The following GNG7 variants were observed in gnomAD, a reference collection of about 807,000 sequenced individuals.
The protein encoded by GNG7 is guanine nucleotide-binding protein G(I)/G(S)/G(O) subunit gamma-7.
GNG7 carries 1 observed loss-of-function variant against 4.0 expected under a neutral mutation model. That is an observed-to-expected ratio of 0.25 (90% CI 0.09 to 1.18). GNG7 has a LOEUF of 1.18. Ranked by LOEUF, GNG7 falls within the 50% of genes most tolerant of loss-of-function variation. GNG7 has a pLI of 0.50. For missense variants in GNG7, 86 were observed against 91.9 expected, an observed-to-expected ratio of 0.94 and a Z score of 0.26; for synonymous variants, 34 against 36.9, an observed-to-expected ratio of 0.92 and a Z score of 0.29.
At chr19:2,700,124 G>T (rs1474096698) in intron 1 of GNG7, among the ~76,000 whole-genome samples, 3 of 148,246 alleles carry the variant, frequency 2.0e-5, no homozygotes, top group East Asian at 3.9e-4. Context: ...TTTTGTTGTT[G>T]TTGCAGTCCT....
chr19:2,629,689 C>T (rs1982108644), intron 2 of GNG7, among the ~76,000 whole-genome samples: 1 of 152,192 alleles, frequency 6.6e-6, no homozygotes, highest in East Asian at 1.9e-4. Context: ...GAACCTGGCA[C>T]CCACATCAAC....
chr19:2,659,610 A>AAAAAAAGAG (rs5826778), intron 1 of GNG7, among the ~76,000 whole-genome samples: 7 of 121,470 alleles, frequency 5.8e-5, no homozygotes, highest in African/African-American at 2.3e-4. Context: ...AAAAAAAAAA[A>AAAAAAAGAG]AGAGAGGAGG....
At chr19:2,695,290 C>A (rs2317322) in intron 1 of GNG7, among the ~76,000 whole-genome samples, 5 of 152,006 alleles carry the variant, frequency 3.3e-5, no homozygotes, top group Non-Finnish European at 7.4e-5. Flanking sequence ...TCTCTACCCC[C>A]CTGGACGACT....
At chr19:2,644,115 C>T (rs1982593582) in intron 2 of GNG7, among the ~76,000 whole-genome samples, 2 of 151,710 alleles carry the variant, frequency 1.3e-5, no homozygotes, top group South Asian at 4.1e-4. Flanking sequence ...CCGTCTCCCG[C>T]GTTCAAGCAA....
chr19:2,518,085 G>A (rs1271715041), intron 4 of GNG7, among the ~76,000 whole-genome samples: 1 of 152,220 alleles, frequency 6.6e-6, no homozygotes, highest in Non-Finnish European at 1.5e-5. Flanking sequence ...TGTGGCTCCA[G>A]CACGTGGCAC....
chr19:2,531,814 A>G (rs531653245), intron 3 of GNG7, among the ~76,000 whole-genome samples: 4 of 151,798 alleles, frequency 2.6e-5, no homozygotes, highest in Admixed American at 2.6e-4. Context: ...GCATGCAAGT[A>G]AGACATACGA....
chr19:2,672,713 T>C (rs1326518767), intron 1 of GNG7, among the ~76,000 whole-genome samples: 2 of 152,084 alleles, frequency 1.3e-5, no homozygotes, highest in African/African-American at 4.8e-5. Flanking sequence ...CCCAAAGTGC[T>C]GGGATTACAG....
chr19:2,670,523 T>C (rs1317503768), intron 1 of GNG7, among the ~76,000 whole-genome samples: 3 of 152,226 alleles, frequency 2.0e-5, no homozygotes, highest in African/African-American at 7.2e-5. Context: ...CTGCGTCCCA[T>C]GTGGCTTGTT....
chr19:2,560,669 GA>G (rs1437694258), intron 2 of GNG7, among the ~76,000 whole-genome samples: 1 of 151,962 alleles, frequency 6.6e-6, no homozygotes, highest in Non-Finnish European at 1.5e-5. Context: ...TCATTATTTG[GA>G]AAAAAGCTGG....
chr19:2,594,521 C>T (rs1009910918), intron 2 of GNG7, among the ~76,000 whole-genome samples: 1 of 152,116 alleles, frequency 6.6e-6, no homozygotes, highest in African/African-American at 2.4e-5. Flanking sequence ...AGCACGCAGG[C>T]CAGGACGAGG....
chr19:2,537,934 G>A (rs1323034350), intron 3 of GNG7, among the ~76,000 whole-genome samples: 5 of 152,052 alleles, frequency 3.3e-5, no homozygotes, highest in East Asian at 1.9e-4. Context: ...AACATCAGCC[G>A]GATGTGGTGG....
intron 2 of GNG7, among the ~76,000 whole-genome samples, chr19:2,573,170 C>T (rs185068562): frequency 6.6e-6 from 1 of 151,632 alleles, no homozygotes; most frequent in Admixed American, 6.6e-5. Flanking sequence ...GGATTACAGG[C>T]GCCACCACAC....
At chr19:2,640,447 A>G (rs1398614026) in intron 2 of GNG7, among the ~76,000 whole-genome samples, 1 of 152,158 alleles carries the variant, frequency 6.6e-6, no homozygotes, top group African/African-American at 2.4e-5. Flanking sequence ...CGACAAGGAA[A>G]GATGCCCAGT....
chr19:2,686,347 G>C (rs1983870891), intron 1 of GNG7, among the ~76,000 whole-genome samples: 1 of 152,030 alleles, frequency 6.6e-6, no homozygotes, highest in African/African-American at 2.4e-5. Context: ...TAGTAGAGAC[G>C]GGGTTTCACC....
intron 3 of GNG7, among the ~76,000 whole-genome samples, chr19:2,537,134 A>G (rs1978767162): frequency 6.7e-6 from 1 of 149,222 alleles, no homozygotes; most frequent in South Asian, 2.1e-4. Context: ...TTTGTTTAGT[A>G]GAGACGGGGT....
At chr19:2,603,331 C>T (rs1017263742) in intron 2 of GNG7, among the ~76,000 whole-genome samples, 3 of 152,246 alleles carry the variant, frequency 2.0e-5, no homozygotes, top group Non-Finnish European at 4.4e-5. Context: ...TCCCAAAGTG[C>T]TAGGATTACA....
chr19:2,531,299 G>A (rs1363559995), intron 3 of GNG7, among the ~76,000 whole-genome samples: 6 of 64,404 alleles, frequency 9.3e-5, no homozygotes, highest in East Asian at 1.0e-3. Context: ...GTGAGATTCC[G>A]TCTCAAAAAA....
At chr19:2,612,361 CCCCTG>C (rs1981595220) in intron 2 of GNG7, among the ~76,000 whole-genome samples, 1 of 152,082 alleles carries the variant, frequency 6.6e-6, no homozygotes, top group Non-Finnish European at 1.5e-5. Context: ...CGCCCAGTGC[CCCCTG>C]GGGGGCAGCA....
chr19:2,599,349 C>G (rs1319445881), intron 2 of GNG7, among the ~76,000 whole-genome samples: 1 of 152,100 alleles, frequency 6.6e-6, no homozygotes, highest in Non-Finnish European at 1.5e-5. Flanking sequence ...CTTCCTCCTC[C>G]CAGCCGAGGC....
Sources: gnomAD v4.1 joint callset for allele counts (sites outside exome capture counted in the v4.1 genomes callset) on GRCh38, gnomAD v4.1.1 for gene constraint, MANE v1.5 for transcripts, NCBI Gene and HGNC (gene_info 2026-07-23, HGNC 2026-07-21) for gene names.